The following RBKS variants were observed in gnomAD, a reference collection of about 807,000 sequenced individuals.
RBKS encodes the protein ribokinase.
Under a neutral mutation model 33.9 loss-of-function variants are expected in RBKS, and 33 were observed. The ratio of observed to expected loss-of-function variants is 0.97; its 90% CI spans 0.74 to 1.30. The LOEUF is 1.30. RBKS is among the 50% of genes most tolerant of loss of function. The pLI, the probability that RBKS is intolerant of heterozygous loss-of-function variation, is 0.00. For missense variants in RBKS, 361 were observed against 392.6 expected (o/e 0.92, Z 0.68); for synonymous variants, 125 against 143.0 (o/e 0.87, Z 0.90).
rs1356263149 is a variant in RBKS, at chr2:27,890,011, T to C, written c.89+246A>G. 9.9e-6 allele frequency: 4 copies of C among 402,616 alleles called. No individual in the cohort carries two copies. The highest frequency in any genetic ancestry group is 1.8e-5 in the Non-Finnish European group (4 of 223,694). The allele number at this position is 402,616 out of a possible 1,614,324, so 24.9% of individuals were successfully genotyped here. On this transcript the variant is annotated intron_variant, in intron 1 of 7. Coordinates refer to ENST00000302188, the MANE Select transcript of RBKS (RefSeq NM_022128.3). This position sits in a 1 kb window ranked among gnomAD's most constrained non-coding sequence, Gnocchi z 4.8. ...GAGGGCAGGTCTTTGGGGAGCGCTT[T>C]GAGTAATATTAGAGCTTTCACTAAA... is the stretch of plus-strand genomic sequence containing the variant.
At position 27,795,673 on chromosome 2, in the gene RBKS, G is replaced by A. The variant is rs1677653065; in HGVS notation, c.796-13885C>T. 6.6e-6 allele frequency among the ~76,000 whole-genome samples: 1 copy of A among 152,146 alleles called. No homozygotes were observed. The highest frequency in any genetic ancestry group is 2.1e-4 in the South Asian group (1 of 4,820). ...AGTCACAGAGCTGGTAAATGGCAGAGCTGCACTTTGTACCCAGACCCAGTG... is the reference window on the plus strand; with the variant it reads ...AGTCACAGAGCTGGTAAATGGCAGAACTGCACTTTGTACCCAGACCCAGTG... On this transcript the variant is annotated intron_variant, in intron 7 of 7. Transcript: ENST00000302188. This position sits in a 1 kb window ranked among gnomAD's most constrained non-coding sequence, Gnocchi z 4.1.
intron 5 of RBKS, among the ~76,000 whole-genome samples, chr2:27,839,300 A>G (rs1391955724): frequency 6.6e-6 from 1 of 152,224 alleles, no homozygotes; most frequent in African/African-American, 2.4e-5. Context: ...CAATTTTACA[A>G]TCTCAATTAT....
At chr2:27,830,132 T>G (rs911061253) in intron 6 of RBKS, among the ~76,000 whole-genome samples, 9 of 152,228 alleles carry the variant, frequency 5.9e-5, no homozygotes, top group Non-Finnish European at 1.0e-4. Flanking sequence ...TTATCTTGTT[T>G]TAGAGCTTGT....
At chr2:27,869,282 C>T (rs895183381) in intron 1 of RBKS, among the ~76,000 whole-genome samples, 7 of 152,200 alleles carry the variant, frequency 4.6e-5, no homozygotes, top group African/African-American at 1.7e-4. Flanking sequence ...GATGCTGAGA[C>T]AGCAAGGCCA....
chr2:27,801,464 T>TATACACAC (rs1553375085), intron 7 of RBKS, among the ~76,000 whole-genome samples: 6 of 136,340 alleles, frequency 4.4e-5, no homozygotes, highest in African/African-American at 1.4e-4. Context: ...GGCCACAGTA[T>TATACACAC]ACACACACAC....
chr2:27,874,474 T>C (rs1206348815), intron 1 of RBKS, among the ~76,000 whole-genome samples: 3 of 152,322 alleles, frequency 2.0e-5, no homozygotes, highest in Admixed American at 2.0e-4. Context: ...CAAGAACTGA[T>C]ATCACTGGAC....
At chr2:27,821,000 A>AC in intron 7 of RBKS, among the ~76,000 whole-genome samples, 1 of 141,778 alleles carries the variant, frequency 7.1e-6, no homozygotes, top group African/African-American at 2.7e-5. Flanking sequence ...AGACTGCGCC[A>AC]CTGCACTCCA....
intron 3 of RBKS, among the ~76,000 whole-genome samples, chr2:27,847,798 T>G (rs904077162): frequency 7.9e-5 from 12 of 152,252 alleles, no homozygotes; most frequent in African/African-American, 2.7e-4. Context: ...TTGTCATTTG[T>G]CACATGTTCA....
At chr2:27,862,414 A>G (rs1332784602) in intron 1 of RBKS, among the ~76,000 whole-genome samples, 1 of 152,130 alleles carries the variant, frequency 6.6e-6, no homozygotes, top group African/African-American at 2.4e-5. Flanking sequence ...ATACGACAAG[A>G]ATATTTTAGT....
At chr2:27,841,015 C>G (rs1423805297) in intron 5 of RBKS, among the ~76,000 whole-genome samples, 1 of 152,132 alleles carries the variant, frequency 6.6e-6, no homozygotes, top group East Asian at 1.9e-4. Context: ...AATACCAAGG[C>G]ATGCTGGCTC....
intron 7 of RBKS, among the ~76,000 whole-genome samples, chr2:27,783,910 A>G (rs979319413): frequency 1.4e-5 from 2 of 147,346 alleles, no homozygotes; most frequent in African/African-American, 5.0e-5. Context: ...CTGTCTCAGA[A>G]AAAAAAAAAG....
chr2:27,806,795 G>A (rs986874270), intron 7 of RBKS, among the ~76,000 whole-genome samples: 2 of 152,246 alleles, frequency 1.3e-5, no homozygotes, highest in African/African-American at 2.4e-5. Flanking sequence ...CACTGGAATC[G>A]CCTGGAGGGT....
chr2:27,882,418 C>CA (rs1414944916), intron 1 of RBKS, among the ~76,000 whole-genome samples: 8 of 152,142 alleles, frequency 5.3e-5, no homozygotes, highest in Non-Finnish European at 1.2e-4. Flanking sequence ...ACTAAACAGT[C>CA]AAAAATTAAC....
At chr2:27,883,435 G>A (rs1388646359) in intron 1 of RBKS, among the ~76,000 whole-genome samples, 1 of 152,078 alleles carries the variant, frequency 6.6e-6, no homozygotes, top group African/African-American at 2.4e-5. Context: ...TCCTGACCTC[G>A]TGATCTGCCC....
intron 7 of RBKS, among the ~76,000 whole-genome samples, chr2:27,818,710 G>T (rs1427950693): frequency 1.3e-5 from 2 of 152,176 alleles, no homozygotes; most frequent in African/African-American, 2.4e-5. Context: ...TTAGCCTAAA[G>T]AATCCTCATG....
intron 7 of RBKS, among the ~76,000 whole-genome samples, chr2:27,794,417 G>A (rs1412872320): frequency 1.3e-5 from 2 of 151,126 alleles, no homozygotes; most frequent in African/African-American, 2.4e-5. Flanking sequence ...ATTTGCAAAT[G>A]GGCCAATTTC....
chr2:27,874,848 C>T (rs1664281630), intron 1 of RBKS, among the ~76,000 whole-genome samples: 1 of 152,166 alleles, frequency 6.6e-6, no homozygotes, highest in Non-Finnish European at 1.5e-5. Context: ...GGTTGAGAAT[C>T]TCTCTCATCC....
chr2:27,878,565 C>T (rs1262722642), intron 1 of RBKS, among the ~76,000 whole-genome samples: 2 of 152,196 alleles, frequency 1.3e-5, no homozygotes, highest in African/African-American at 4.8e-5. Context: ...ATGGCTGGGT[C>T]AAATGGTATT....
At position 27,890,288 on chromosome 2, in the gene RBKS, C is replaced by T. The variant is rs780127805; in HGVS notation, c.58G>A (p.Val20Met). ...AGGTCGGTCATGCAGGAGCCCACCA[C>T]TACCACCGCCGCCACCTCCTCTTGC... is the stretch of plus-strand genomic sequence containing the variant. ...QWQEEVAAVV[V>M]VGSCMTDLVS... The change falls in exon 1 of 8, where the codon GTG (valine) becomes ATG (methionine). Residue 20 changes from valine to methionine, a missense_variant. Transcript: ENST00000302188. This position sits in a 1 kb window ranked among gnomAD's most constrained non-coding sequence, Gnocchi z 4.8. 2 of 1,613,910 alleles carry T rather than the reference C, an allele frequency of 1.2e-6. No individual in the cohort carries two copies. Among genetic ancestry groups the T allele is most frequent in the Non-Finnish European group, 1.7e-6 (2 of 1,180,032 alleles).
Sources: gnomAD v4.1 joint callset for allele counts (sites outside exome capture counted in the v4.1 genomes callset) on GRCh38, gnomAD v4.1.1 for gene constraint, Gnocchi (gnomAD v3.1) non-coding constraint, MANE v1.5 for transcripts, NCBI Gene and HGNC (gene_info 2026-07-23, HGNC 2026-07-21) for gene names.